The following CA5A variants were observed in gnomAD, a reference collection of about 807,000 sequenced individuals.
CA5A encodes the protein carbonic anhydrase 5A, mitochondrial.
CA5A carries 28 observed loss-of-function variants against 37.1 expected under a neutral mutation model. The observed-to-expected ratio is 0.75, with a 90% CI of 0.56 to 1.03. CA5A has a LOEUF of 1.03. Among genes scored for constraint, CA5A ranks in the 50% least tolerant of loss-of-function variants. The probability of loss-of-function intolerance (pLI) is 0.00; values close to 1 mark genes in which losing one functional copy is unlikely to be tolerated. For synonymous variants in CA5A, 171 were observed against 158.4 expected, an observed-to-expected ratio of 1.08 and a Z score of -0.60; for missense variants, 444 against 399.9, an observed-to-expected ratio of 1.11 and a Z score of -0.94.
downstream of CA5A, chr16:87,887,074 T>G (rs368045769): frequency 6.6e-6 from 1 of 151,934 alleles, no homozygotes; most frequent in Non-Finnish European, 1.5e-5. Context: ...AGCTCATTTT[T>G]GTATTTTTAG....
Position 87,911,754 on chromosome 16 carries a change from G to A in CA5A, c.341-6850C>T, listed in dbSNP as rs1041381259. Among the ~76,000 whole-genome samples, 1 of 152,200 alleles carries A rather than the reference G, an allele frequency of 6.6e-6. No individual in the cohort carries two copies. Among genetic ancestry groups the A allele is most frequent in the Non-Finnish European group, 1.5e-5 (1 of 68,034 alleles). On this transcript the variant is annotated intron_variant, in intron 2 of 6. Coordinates refer to ENST00000649794, the MANE Select transcript of CA5A (RefSeq NM_001739.2). This position sits in a 1 kb window ranked among gnomAD's most constrained non-coding sequence, Gnocchi z 4.6. ...TCTGAGACCATCACATATTGGCACT[G>A]GTTTGAAAGCCAGGCAAATGTGGGC...
At chr16:87,892,131 T>C (rs1410300893) in intron 5 of CA5A, 177 bp from the exon 6 acceptor site, 7 of 526,514 alleles carry the variant, frequency 1.3e-5, no homozygotes, top group African/African-American at 2.0e-5. Context: ...GACCCTTCTA[T>C]ACAGAGCAAG....
intron 5 of CA5A, chr16:87,893,117 T>TCTTC (rs2055748370): frequency 1.7e-6 from 1 of 595,520 alleles, no homozygotes; most frequent in South Asian, 2.8e-5. Flanking sequence ...GACATTTCTT[T>TCTTC]CTTTCTTCCT....
chr16:87,893,760 A>T (rs532286810), intron 5 of CA5A: 1 of 446,356 alleles, frequency 2.2e-6, no homozygotes, highest in African/African-American at 2.0e-5. Flanking sequence ...ATTATTTTGC[A>T]TTGAATACAC....
intron 6 of CA5A, among the ~76,000 whole-genome samples, chr16:87,891,401 G>C (rs1376768575): frequency 2.6e-5 from 4 of 151,668 alleles, no homozygotes; most frequent in Admixed American, 1.3e-4. Flanking sequence ...CCAGGAGGTG[G>C]AGGTTGTAGT....
intron 2 of CA5A, among the ~76,000 whole-genome samples, chr16:87,908,095 T>A (rs1376918475): frequency 6.6e-6 from 1 of 152,328 alleles, no homozygotes; most frequent in East Asian, 1.9e-4. Context: ...ATTCATCGAA[T>A]CACTTGGTCG....
intron 1 of CA5A, among the ~76,000 whole-genome samples, chr16:87,933,725 T>C (rs1449109041): frequency 6.6e-6 from 1 of 152,166 alleles, no homozygotes; most frequent in East Asian, 1.9e-4. Context: ...CTTTGACTTT[T>C]CTCTCAAGGC....
intron 5 of CA5A, among the ~76,000 whole-genome samples, chr16:87,894,945 C>G (rs1407913720): frequency 6.6e-6 from 1 of 152,168 alleles, no homozygotes; most frequent in East Asian, 1.9e-4. Flanking sequence ...CCATGCAACT[C>G]TCCCATCTAA....
intron 2 of CA5A, among the ~76,000 whole-genome samples, chr16:87,915,029 A>G (rs2056114930): frequency 6.6e-6 from 1 of 152,360 alleles, no homozygotes; most frequent in South Asian, 2.1e-4. Context: ...CCGCACCACC[A>G]GCTCCATCCT....
chr16:87,935,248 G>A (rs565447344), intron 1 of CA5A, among the ~76,000 whole-genome samples: 27 of 152,298 alleles, frequency 1.8e-4, no homozygotes, highest in African/African-American at 6.0e-4. Flanking sequence ...CTCATTCTAC[G>A]GAGGAAGCAC....
intron 2 of CA5A, among the ~76,000 whole-genome samples, chr16:87,907,350 G>C (rs1046215066): frequency 6.6e-6 from 1 of 152,196 alleles, no homozygotes; most frequent in Admixed American, 6.5e-5. Context: ...GTGGGGGAAA[G>C]GGGGTTTGCA....
intron 2 of CA5A, among the ~76,000 whole-genome samples, chr16:87,905,719 C>T (rs1302092201): frequency 1.3e-5 from 2 of 152,226 alleles, no homozygotes; most frequent in African/African-American, 4.8e-5. Flanking sequence ...CTCTGGCAGT[C>T]CCTGCTTAAT....
chr16:87,914,014 T>C (rs973340924), intron 2 of CA5A, among the ~76,000 whole-genome samples: 27 of 152,232 alleles, frequency 1.8e-4, no homozygotes, highest in African/African-American at 6.0e-4. Context: ...ATTTCCCCGA[T>C]GACCTTTTCC....
intron 5 of CA5A, chr16:87,893,206 C>T (rs912128151): frequency 7.0e-6 from 3 of 428,864 alleles, no homozygotes; most frequent in African/African-American, 6.2e-5. Flanking sequence ...CAGCTCACTG[C>T]AGCCTCTGCT....
chr16:87,883,022 TG>T (rs1382910928), downstream of CA5A: 1 of 152,154 alleles, frequency 6.6e-6, no homozygotes, highest in Non-Finnish European at 1.5e-5. Context: ...GGCTAGATTT[TG>T]TTTTGTTTTG....
chr16:87,899,648 G>A (rs558747809), intron 5 of CA5A, among the ~76,000 whole-genome samples: 46 of 150,356 alleles, frequency 3.1e-4, no homozygotes, highest in African/African-American at 1.0e-3. Context: ...GGCCAGGTGC[G>A]GTGGTTCACG....
At chr16:87,926,551 A>C (rs973702322) in intron 2 of CA5A, among the ~76,000 whole-genome samples, 197 bp downstream of exon 2, 5 of 152,218 alleles carry the variant, frequency 3.3e-5, no homozygotes, top group African/African-American at 1.2e-4. Context: ...TAAAGTGAGC[A>C]CCAGGCTCCT....
intron 5 of CA5A, among the ~76,000 whole-genome samples, chr16:87,900,873 A>T (rs1179782502): frequency 6.6e-6 from 1 of 152,274 alleles, no homozygotes. Context: ...CTTTATCATT[A>T]GTGAATACCA....
At chr16:87,917,662 TAG>T (rs1217826898) in intron 2 of CA5A, among the ~76,000 whole-genome samples, 117 of 96,652 alleles carry the variant, frequency 1.2e-3, no homozygotes, top group African/African-American at 4.7e-3. Context: ...CACGTGCACA[TAG>T]AGACACATGC....
Sources: allele counts gnomAD v4.1 joint callset (sites outside exome capture counted in the v4.1 genomes callset), GRCh38; gene constraint gnomAD v4.1.1; non-coding constraint Gnocchi (gnomAD v3.1); transcripts MANE v1.5; gene names NCBI Gene and HGNC (gene_info 2026-07-23, HGNC 2026-07-21).